The following MED27 variants were observed in gnomAD, a reference collection of about 807,000 sequenced individuals.
MED27 encodes the protein mediator of RNA polymerase II transcription subunit 27.
A neutral mutation model predicts 38.2 loss-of-function variants in MED27; 30 were observed. The ratio of observed to expected loss-of-function variants is 0.79; its 90% CI spans 0.59 to 1.07. MED27 has a LOEUF of 1.07. Among genes scored for constraint, MED27 ranks in the 50% least tolerant of loss-of-function variants. MED27 has a pLI of 0.00. For synonymous variants in MED27, 122 were observed against 153.5 expected (o/e 0.79, Z 1.52); for missense variants, 289 against 397.5 (o/e 0.73, Z 2.32).
At chr9:131,909,645 C>T (rs1401170071) in intron 4 of MED27, among the ~76,000 whole-genome samples, 1 of 152,210 alleles carries the variant, frequency 6.6e-6, no homozygotes, top group East Asian at 1.9e-4. Flanking sequence ...TAATACAAAT[C>T]AATATGTGGA....
At chr9:131,967,846 T>C (rs1186830765) in intron 3 of MED27, among the ~76,000 whole-genome samples, 1 of 135,348 alleles carries the variant, frequency 7.4e-6, no homozygotes, top group African/African-American at 2.8e-5. Context: ...TGAGACGGAG[T>C]CTCGCTCTGC....
At chr9:132,011,725 T>C (rs1832490607) in intron 3 of MED27, among the ~76,000 whole-genome samples, 1 of 152,176 alleles carries the variant, frequency 6.6e-6, no homozygotes, top group Non-Finnish European at 1.5e-5. Context: ...ATATAGCTTC[T>C]GCCTACTGGA....
intron 6 of MED27, among the ~76,000 whole-genome samples, chr9:131,876,539 A>T (rs971395505): frequency 6.6e-6 from 1 of 152,058 alleles, no homozygotes; most frequent in Non-Finnish European, 1.5e-5. Context: ...ATATTCAAAC[A>T]AGACCATTAA....
intron 3 of MED27, among the ~76,000 whole-genome samples, chr9:131,975,063 A>C (rs1389224862): frequency 1.3e-5 from 2 of 152,232 alleles, no homozygotes; most frequent in Non-Finnish European, 2.9e-5. Context: ...CCAAAGCAAA[A>C]AGCCACGAAA....
At chr9:132,049,449 G>A (rs1833414126) in intron 2 of MED27, among the ~76,000 whole-genome samples, 1 of 152,168 alleles carries the variant, frequency 6.6e-6, no homozygotes, top group Admixed American at 6.5e-5. Context: ...GCAGGCATGT[G>A]CTCACACTGG....
rs1838652374 is a variant in MED27, at chr9:131,861,570, T to A, written c.802-898A>T. On this transcript the variant is annotated intron_variant, in intron 7 of 7. Coordinates refer to ENST00000292035, the MANE Select transcript of MED27 (RefSeq NM_004269.4). The surrounding 1 kb of genome is among the most constrained non-coding windows in gnomAD (Gnocchi z 4.4). ...TCCCCCTTTCCAAAGGCCAGGTGTT[T>A]GGGGGTTTTGGCAATAAACACGAGG... Among the ~76,000 whole-genome samples the A allele has an allele frequency of 6.6e-6, 1 of 152,178 alleles. No homozygotes were observed. The highest frequency in any genetic ancestry group is 1.5e-5 in the Non-Finnish European group (1 of 68,024).
At position 131,862,489 on chromosome 9, in the gene MED27, G is replaced by A. The variant is rs1838668703; in HGVS notation, c.801+574C>T. Among the ~76,000 whole-genome samples, 1 of 152,150 alleles carries A rather than the reference G, an allele frequency of 6.6e-6. No individual in the cohort carries two copies. The highest frequency in any genetic ancestry group is 6.5e-5 in the Admixed American group (1 of 15,286). On this transcript the variant is annotated intron_variant, in intron 7 of 7. Coordinates refer to ENST00000292035, the MANE Select transcript of MED27 (RefSeq NM_004269.4). This position sits in a 1 kb window ranked among gnomAD's most constrained non-coding sequence, Gnocchi z 4.6. ...GCTGATAAACTGGCCCTGGGGTTCG[G>A]GGGAAGTCCTGACTTGCAGTGTTTG... is the stretch of plus-strand genomic sequence containing the variant.
intron 2 of MED27, among the ~76,000 whole-genome samples, chr9:132,042,228 T>C (rs1055239303): frequency 3.9e-5 from 6 of 152,178 alleles, no homozygotes; most frequent in Non-Finnish European, 5.9e-5. Flanking sequence ...GTGACGGCCA[T>C]CACTACCGGC....
At position 131,982,020 on chromosome 9, in the gene MED27, G is replaced by T. The variant is rs1198474352; in HGVS notation, c.479+32317C>A. 6.6e-6 allele frequency among the ~76,000 whole-genome samples: 1 copy of T among 152,190 alleles called. No individual in the cohort carries two copies. On this transcript the variant is annotated intron_variant, in intron 3 of 7. Transcript: ENST00000292035. The surrounding 1 kb of genome is among the most constrained non-coding windows in gnomAD (Gnocchi z 4.3). ...TCTATCAGCAGCAGTAGCAGAAGTG[G>T]TAGATACCACTTATCATGCACTTCC...
intron 3 of MED27, among the ~76,000 whole-genome samples, chr9:131,970,721 A>C (rs1008232460): frequency 3.9e-5 from 6 of 152,244 alleles, no homozygotes; most frequent in African/African-American, 1.4e-4. Flanking sequence ...GAAGGAAAAC[A>C]ATGTTAGAAA....
intron 2 of MED27, among the ~76,000 whole-genome samples, chr9:132,074,519 A>G (rs925680149): frequency 2.6e-5 from 4 of 152,202 alleles, no homozygotes; most frequent in Non-Finnish European, 4.4e-5. Flanking sequence ...TAACCCATTA[A>G]CGCACTTACT....
chr9:132,053,697 G>A (rs566029009), intron 2 of MED27, among the ~76,000 whole-genome samples: 1 of 152,184 alleles, frequency 6.6e-6, no homozygotes, highest in East Asian at 1.9e-4. Context: ...GTAACTCTGG[G>A]CCACACTCCC....
At chr9:132,047,877 A>G (rs1833377055) in intron 2 of MED27, among the ~76,000 whole-genome samples, 1 of 152,174 alleles carries the variant, frequency 6.6e-6, no homozygotes, top group Non-Finnish European at 1.5e-5. Flanking sequence ...AAACGAAAAC[A>G]TTTACCTAGA....
intron 6 of MED27, among the ~76,000 whole-genome samples, chr9:131,870,490 A>G (rs1206271715): frequency 6.6e-6 from 1 of 152,204 alleles, no homozygotes; most frequent in Non-Finnish European, 1.5e-5. Flanking sequence ...CTTCTAAGTC[A>G]GGGGGCTAAG....
rs1340742175 is a variant in MED27 at position 131,861,671 on chromosome 9, A to C, written c.802-999T>G. Among the ~76,000 whole-genome samples, 1 of 152,038 alleles carries C rather than the reference A, an allele frequency of 6.6e-6. No homozygotes were observed. The highest frequency in any genetic ancestry group is 2.4e-5 in the African/African-American group (1 of 41,348). ...TCTGTCTCTGCCACAAATAGTACTC[A>C]TGTCTGTGCCTCAAATCAATCAATC... On this transcript the variant is annotated intron_variant, in intron 7 of 7. Coordinates refer to ENST00000292035, the MANE Select transcript of MED27 (RefSeq NM_004269.4). The surrounding 1 kb of genome is among the most constrained non-coding windows in gnomAD (Gnocchi z 4.4).
At chr9:132,048,579 A>G (rs1290662138) in intron 2 of MED27, among the ~76,000 whole-genome samples, 1 of 152,112 alleles carries the variant, frequency 6.6e-6, no homozygotes, top group Non-Finnish European at 1.5e-5. Flanking sequence ...AAGGTCCCCA[A>G]CCTCCCAAAC....
In MED27 at chr9:131,883,720, C is replaced by CT. The variant is rs768029190; in HGVS notation, c.723+337dup. ...TAATTTACATACAATATGACTGCCC[C>CT]TTTGTAGTAATATAGTCCTGAGTTT... On this transcript the variant is annotated intron_variant, in intron 6 of 7. Coordinates refer to ENST00000292035, the MANE Select transcript of MED27 (RefSeq NM_004269.4). This position sits in a 1 kb window ranked among gnomAD's most constrained non-coding sequence, Gnocchi z 4.2. 9.2e-5 allele frequency among the ~76,000 whole-genome samples: 14 copies of CT among 152,164 alleles called. No homozygotes were observed. Among genetic ancestry groups the CT allele is most frequent in the Non-Finnish European group, 1.2e-4 (8 of 68,034 alleles).
intron 5 of MED27, among the ~76,000 whole-genome samples, chr9:131,884,454 C>CTG (rs1839102788): frequency 6.6e-6 from 1 of 152,196 alleles, no homozygotes; most frequent in Non-Finnish European, 1.5e-5. Flanking sequence ...TTTGCACTTG[C>CTG]TGTGCCCTTT....
intron 3 of MED27, among the ~76,000 whole-genome samples, chr9:131,989,215 T>G (rs114938974): frequency 0.016 from 2,384 of 152,350 alleles, 63 homozygotes; most frequent in African/African-American, 0.054. Flanking sequence ...TATAAGTGGC[T>G]GGTGAATGCT....
Sources: allele counts gnomAD v4.1 joint callset (sites outside exome capture counted in the v4.1 genomes callset), GRCh38; gene constraint gnomAD v4.1.1; non-coding constraint Gnocchi (gnomAD v3.1); transcripts MANE v1.5; gene names NCBI Gene and HGNC (gene_info 2026-07-23, HGNC 2026-07-21).